Variants in EPHA5 observed in about 807,000 individuals in gnomAD.
EPHA5 encodes ephrin type-A receptor 5.
Under a neutral mutation model 105.0 loss-of-function variants are expected in EPHA5, and 60 were observed. That is an observed-to-expected ratio of 0.57 (90% CI 0.46 to 0.71). The LOEUF (loss-of-function observed/expected upper bound fraction) is 0.71. Among genes scored for constraint, EPHA5 ranks in the 30% least tolerant of loss-of-function variants. EPHA5 has a pLI of 0.00. For missense variants in EPHA5, 1,218 were observed against 1,274.7 expected (o/e 0.96, Z 0.68); for synonymous variants, 513 against 449.1 (o/e 1.14, Z -1.80).
intron 2 of EPHA5, among the ~76,000 whole-genome samples, chr4:65,625,018 A>G (rs115768625): frequency 1.8e-3 from 267 of 152,336 alleles, no homozygotes; most frequent in African/African-American, 5.7e-3. Context: ...TGTCATTGGC[A>G]TAGATAAAAT....
chr4:65,509,782 T>TTCAGATCATTTCATTAGCATAA (rs1252611216), intron 3 of EPHA5, among the ~76,000 whole-genome samples: 5 of 152,176 alleles, frequency 3.3e-5, no homozygotes, highest in Non-Finnish European at 7.3e-5. Context: ...TCTACACTGA[T>TTCAGATCATTTCATTAGCATAA]TCAGATCATT....
chr4:65,373,483 C>A (rs897563562), intron 8 of EPHA5, among the ~76,000 whole-genome samples: 4 of 151,792 alleles, frequency 2.6e-5, no homozygotes, highest in African/African-American at 9.7e-5. Flanking sequence ...AAAATCTTCT[C>A]ATTTCACATT....
intron 5 of EPHA5, among the ~76,000 whole-genome samples, chr4:65,452,822 T>C (rs1259728599): frequency 6.6e-6 from 1 of 152,188 alleles, no homozygotes; most frequent in African/African-American, 2.4e-5. Context: ...TAAATATGTA[T>C]TCTATTTAGC....
chr4:65,597,530 T>C (rs1743309477), intron 3 of EPHA5, among the ~76,000 whole-genome samples: 1 of 151,408 alleles, frequency 6.6e-6, no homozygotes, highest in Non-Finnish European at 1.5e-5. Context: ...TAATAATAAA[T>C]AACAAGTGGG....
At chr4:65,553,617 T>G (rs1231507192) in intron 3 of EPHA5, among the ~76,000 whole-genome samples, 1 of 152,022 alleles carries the variant, frequency 6.6e-6, no homozygotes, top group African/African-American at 2.4e-5. Flanking sequence ...AAGCAGAAAT[T>G]CATTTCTAAA....
rs560129939 is a variant in EPHA5, at chr4:65,417,724, CA to C, written c.1527+2716del. 3.1e-4 allele frequency among the ~76,000 whole-genome samples: 47 copies of C among 151,006 alleles called. 1 individual carries two copies. The highest frequency in any genetic ancestry group is 8.6e-4 in the Admixed American group (13 of 15,158). ...AAATCATACTGAGATAAATGTAACT[CA>C]AAAAAAATTAAACTATAAAGAAAAT... On this transcript the variant is annotated intron_variant, in intron 6 of 16. Coordinates refer to ENST00000613740, the MANE Select transcript of EPHA5 (RefSeq NM_001281766.3).
chr4:65,574,086 C>T (rs1182483346), intron 3 of EPHA5: 1 of 1,607,770 alleles, frequency 6.2e-7, no homozygotes, highest in Non-Finnish European at 8.5e-7. Flanking sequence ...TGTAAAAATC[C>T]CAAAACATCT....
chr4:65,636,511 T>A (rs1370443657), intron 2 of EPHA5, among the ~76,000 whole-genome samples: 1 of 151,478 alleles, frequency 6.6e-6, no homozygotes, highest in Non-Finnish European at 1.5e-5. Context: ...TTACCCATAC[T>A]GAATCTCATT....
intron 3 of EPHA5, among the ~76,000 whole-genome samples, chr4:65,592,561 G>A (rs971254440): frequency 6.6e-6 from 1 of 152,030 alleles, no homozygotes; most frequent in Admixed American, 6.6e-5. Flanking sequence ...TTTACACAAG[G>A]AAAGCACAAA....
chr4:65,408,080 A>G (rs1578041999), intron 7 of EPHA5, among the ~76,000 whole-genome samples: 1 of 152,302 alleles, frequency 6.6e-6, no homozygotes, highest in Non-Finnish European at 1.5e-5. Context: ...TATTTCTAAT[A>G]AGAAATGATT....
chr4:65,436,604 A>G (rs4406062), intron 5 of EPHA5, among the ~76,000 whole-genome samples: 59,695 of 151,880 alleles, frequency 0.39, 13,548 homozygotes, highest in Non-Finnish European at 0.52. Flanking sequence ...TTGTGATTCA[A>G]TGTTTGTACT....
Position 65,602,014 on chromosome 4 carries a change from G to C in EPHA5, c.537C>G (p.Ala179=), listed in dbSNP as rs55983743. 1.2e-6 allele frequency: 2 copies of C among 1,613,808 alleles called. No individual in the cohort carries two copies. The highest frequency in any genetic ancestry group is 2.7e-5 in the African/African-American group (2 of 74,836). Residue 179 remains alanine (A), a synonymous_variant, in exon 3 of 17, where the codon GCC becomes GCG. Coordinates refer to ENST00000613740, the MANE Select transcript of EPHA5 (RefSeq NM_001281766.3). ...GATCAAGTTCTGTAAAGCTTTCATC[G>C]GCAGCAATGGTATCAATTTTGATGT... ...NQYIKIDTIA[A]DESFTELDLG...
chr4:65,372,885 C>A (rs1281382564), intron 8 of EPHA5, among the ~76,000 whole-genome samples: 1 of 151,794 alleles, frequency 6.6e-6, no homozygotes, highest in Admixed American at 6.6e-5. Context: ...CTAATAAATT[C>A]TTCAAATCCT....
At chr4:65,654,260 C>T (rs770350240) in intron 1 of EPHA5, among the ~76,000 whole-genome samples, 9 of 148,092 alleles carry the variant, frequency 6.1e-5, no homozygotes, top group Non-Finnish European at 1.2e-4. Flanking sequence ...AAAAACAAAA[C>T]TATTTTTAAG....
intron 8 of EPHA5, among the ~76,000 whole-genome samples, chr4:65,371,901 G>C (rs956792055): frequency 6.6e-6 from 1 of 151,948 alleles, no homozygotes; most frequent in Non-Finnish European, 1.5e-5. Context: ...CATATGCAGT[G>C]TCTAGCTCAG....
At chr4:65,405,142 C>T (rs1722238639) in intron 7 of EPHA5, among the ~76,000 whole-genome samples, 1 of 152,112 alleles carries the variant, frequency 6.6e-6, no homozygotes, top group Non-Finnish European at 1.5e-5. Context: ...TCTTTATATA[C>T]ATAGATTTAG....
intron 3 of EPHA5, among the ~76,000 whole-genome samples, chr4:65,569,873 A>G (rs773839684): frequency 1.8e-4 from 27 of 151,740 alleles, no homozygotes; most frequent in Non-Finnish European, 3.8e-4. Flanking sequence ...TGGAAATAAA[A>G]GTCATCTAGA....
intron 3 of EPHA5, among the ~76,000 whole-genome samples, chr4:65,580,790 C>CT (rs373996186): frequency 0.61 from 90,051 of 147,002 alleles, 27,798 homozygotes; most frequent in Non-Finnish European, 0.66. Context: ...ACACAGTTTA[C>CT]TTTTTTTTTT....
chr4:65,400,232 A>G (rs1278869529), intron 8 of EPHA5, among the ~76,000 whole-genome samples: 1 of 152,186 alleles, frequency 6.6e-6, no homozygotes, highest in African/African-American at 2.4e-5. Context: ...TCAATGCCCA[A>G]TGTCATTAGT....
Sources: gnomAD v4.1 joint callset for allele counts (sites outside exome capture counted in the v4.1 genomes callset) on GRCh38, gnomAD v4.1.1 for gene constraint, MANE v1.5 for transcripts, NCBI Gene and HGNC (gene_info 2026-07-23, HGNC 2026-07-21) for gene names.